Variants in CNIH3 observed in about 807,000 individuals in gnomAD.
CNIH3 encodes the protein cornichon family AMPA receptor auxiliary protein 3.
Under a neutral mutation model 24.1 loss-of-function variants are expected in CNIH3, and 14 were observed. The ratio of observed to expected loss-of-function variants is 0.58; its 90% CI spans 0.38 to 0.91. The LOEUF (loss-of-function observed/expected upper bound fraction) is 0.91, where lower values mean the gene tolerates loss of function less well. Among genes scored for constraint, CNIH3 ranks in the 40% least tolerant of loss-of-function variants. The pLI is 0.00. For missense variants in CNIH3, 178 were observed against 196.8 expected (o/e 0.90, Z 0.57); for synonymous variants, 68 against 73.8 (o/e 0.92, Z 0.40).
chr1:224,503,269 A>G (rs377065486), intron 1 of CNIH3, among the ~76,000 whole-genome samples: 1 of 152,202 alleles, frequency 6.6e-6, no homozygotes, highest in African/African-American at 2.4e-5. Flanking sequence ...CGGGTGCTGC[A>G]CTTGCTGAAA....
chr1:224,619,491 C>T (rs1025571255), intron 1 of CNIH3, among the ~76,000 whole-genome samples: 1 of 152,190 alleles, frequency 6.6e-6, no homozygotes, highest in African/African-American at 2.4e-5. Flanking sequence ...TCAGTCCCTC[C>T]TTTCCTAGTC....
intron 1 of CNIH3, among the ~76,000 whole-genome samples, chr1:224,489,540 A>G (rs529343505): frequency 1.3e-5 from 2 of 151,378 alleles, no homozygotes; most frequent in South Asian, 2.1e-4. Flanking sequence ...TCAAATGTCC[A>G]CTCCCCTCCA....
chr1:224,720,513 C>T (rs1298900419), intron 3 of CNIH3, among the ~76,000 whole-genome samples: 4 of 152,124 alleles, frequency 2.6e-5, no homozygotes, highest in Admixed American at 2.6e-4. Context: ...AGTTGGGCTT[C>T]CTTCCCTTTG....
At chr1:224,472,378 T>A (rs2404786) in intron 1 of CNIH3, among the ~76,000 whole-genome samples, 126,799 of 152,160 alleles carry the variant, frequency 0.83, 53,192 homozygotes, top group East Asian at 0.97. Flanking sequence ...ATATGGAACC[T>A]GCCCAAATGT....
At chr1:224,571,598 G>A (rs569307520) in intron 4 of CNIH3, among the ~76,000 whole-genome samples, 14 of 152,176 alleles carry the variant, frequency 9.2e-5, no homozygotes, top group African/African-American at 2.6e-4. Context: ...GGTGCTGGGC[G>A]CCTGTAATCC....
chr1:224,452,712 G>A (rs1572268432), intron 1 of CNIH3, among the ~76,000 whole-genome samples: 2 of 147,720 alleles, frequency 1.4e-5, no homozygotes, highest in East Asian at 4.0e-4. Flanking sequence ...AACCTGGGAG[G>A]CAGAGCTTGC....
intron 1 of CNIH3, among the ~76,000 whole-genome samples, chr1:224,662,235 C>G (rs1328141349): frequency 6.6e-6 from 1 of 151,942 alleles, no homozygotes; most frequent in Non-Finnish European, 1.5e-5. Context: ...GCAATTATAC[C>G]ATTTACCTTT....
At chr1:224,440,777 A>G (rs1674867960) in intron 1 of CNIH3, among the ~76,000 whole-genome samples, 2 of 146,978 alleles carry the variant, frequency 1.4e-5, no homozygotes, top group Non-Finnish European at 3.0e-5. Flanking sequence ...ATTTAATACT[A>G]CTCCTTGGTG....
chr1:224,448,739 G>A (rs921159468), intron 1 of CNIH3, among the ~76,000 whole-genome samples: 3 of 152,110 alleles, frequency 2.0e-5, no homozygotes, highest in Non-Finnish European at 4.4e-5. Context: ...ACTTCTGTAC[G>A]CATTTACTTA....
chr1:224,677,133 A>T (rs1467520140), intron 1 of CNIH3, among the ~76,000 whole-genome samples: 4 of 152,200 alleles, frequency 2.6e-5, no homozygotes, highest in African/African-American at 9.7e-5. Context: ...GGGACCAGTA[A>T]TAGTGAGGTA....
chr1:224,445,593 A>AAG (rs1553253138), intron 1 of CNIH3, among the ~76,000 whole-genome samples: 2 of 149,152 alleles, frequency 1.3e-5, no homozygotes, highest in Non-Finnish European at 3.0e-5. Flanking sequence ...AAAAAAAAAA[A>AAG]AAAGAAAGAT....
At chr1:224,546,631 T>C (rs1679714686) in intron 2 of CNIH3, among the ~76,000 whole-genome samples, 1 of 152,170 alleles carries the variant, frequency 6.6e-6, no homozygotes, top group African/African-American at 2.4e-5. Context: ...GTTTAGCAAA[T>C]TTATAATCAT....
At chr1:224,440,571 A>G (rs968421720) in intron 1 of CNIH3, among the ~76,000 whole-genome samples, 6 of 152,212 alleles carry the variant, frequency 3.9e-5, no homozygotes, top group Non-Finnish European at 8.8e-5. Flanking sequence ...ATGTACTGAT[A>G]TGGATATAGT....
rs6700804 is a variant in CNIH3, at chr1:224,555,786, C to T, written n.450+8847C>T. On this transcript the variant is annotated intron_variant and non_coding_transcript_variant, in intron 3 of 5. Coordinates refer to the CNIH3 transcript ENST00000471578. ...TTTGAGCTAATCCTTTTTTTTTCCT[C>T]GGTCTCAAACCTTTCCCTTGCCCTT... 2.1e-3 allele frequency among the ~76,000 whole-genome samples: 311 copies of T among 151,588 alleles called. 2 individuals carry two copies. Among genetic ancestry groups the T allele is most frequent in the African/African-American group, 6.6e-3 (272 of 41,384 alleles).
chr1:224,658,586 G>A (rs1685204081), intron 1 of CNIH3, among the ~76,000 whole-genome samples: 1 of 151,318 alleles, frequency 6.6e-6, no homozygotes, highest in Non-Finnish European at 1.5e-5. Flanking sequence ...TATTCATTTA[G>A]CCAGAATGAT....
In CNIH3 at chr1:224,623,658, C is replaced by T. The variant is rs1414858818; in HGVS notation, c.81+6403C>T. 2.0e-5 allele frequency among the ~76,000 whole-genome samples: 3 copies of T among 152,244 alleles called. No homozygotes were observed. The East Asian group carries it at 5.8e-4, about 29-fold the overall frequency. On this transcript the variant is annotated intron_variant, in intron 1 of 5. Coordinates refer to ENST00000272133, the MANE Select transcript of CNIH3 (RefSeq NM_152495.2). ...AGATAGAGATGATCAGACAGGGATG[C>T]CTCAGGATCCTGCCCCTCCCCAGAA...
At chr1:224,667,108 T>C (rs1258718734) in intron 1 of CNIH3, among the ~76,000 whole-genome samples, 1 of 152,194 alleles carries the variant, frequency 6.6e-6, no homozygotes, top group Non-Finnish European at 1.5e-5. Context: ...TAAGTGCTCA[T>C]TAAATATTCA....
At chr1:224,594,967 G>T (rs944585911) in intron 3 of CNIH3, among the ~76,000 whole-genome samples, 1 of 152,138 alleles carries the variant, frequency 6.6e-6, no homozygotes, top group Non-Finnish European at 1.5e-5. Flanking sequence ...CAAATTGAAG[G>T]TTCATGAGAA....
At chr1:224,508,594 A>T (rs1343483646) in intron 1 of CNIH3, among the ~76,000 whole-genome samples, 1 of 152,202 alleles carries the variant, frequency 6.6e-6, no homozygotes, top group South Asian at 2.1e-4. Flanking sequence ...TCCATAAAAC[A>T]TCTTGCCCAG....
Sources: gnomAD v4.1 joint callset for allele counts (sites outside exome capture counted in the v4.1 genomes callset) on GRCh38, gnomAD v4.1.1 for gene constraint, MANE v1.5 for transcripts, NCBI Gene and HGNC (gene_info 2026-07-23, HGNC 2026-07-21) for gene names.